Variants in ABI3BP observed in about 807,000 individuals in gnomAD.
The protein encoded by ABI3BP is ABI family member 3 binding protein.
In ABI3BP, 216 loss-of-function variants were observed where a neutral mutation model predicts 268.6. The ratio of observed to expected loss-of-function variants is 0.80; its 90% CI spans 0.72 to 0.90. The LOEUF (loss-of-function observed/expected upper bound fraction) is 0.90. ABI3BP is among the 40% of genes least tolerant of loss of function. The pLI is 0.00. For missense variants in ABI3BP, 2,090 were observed against 2,182.4 expected (o/e 0.96, Z 0.84); for synonymous variants, 730 against 730.0 (o/e 1.00, Z 0.00).
intron 36 of ABI3BP, 149 bp downstream of exon 36, chr3:100,824,709 G>C (rs977005933): frequency 7.4e-5 from 39 of 526,032 alleles, no homozygotes; most frequent in African/African-American, 6.8e-4. Flanking sequence ...CTCCTTGAAA[G>C]CTGAGCAGAG....
chr3:100,778,418 C>T (rs2096770975), intron 58 of ABI3BP, 42 bp from the exon 59 acceptor site: 3 of 1,511,136 alleles, frequency 2.0e-6, no homozygotes, highest in African/African-American at 2.8e-5. Context: ...ATAAAGCCAT[C>T]ATAAAGATTC....
At chr3:100,793,508 A>C (rs541933533) in intron 54 of ABI3BP, among the ~76,000 whole-genome samples, 30 of 152,178 alleles carry the variant, frequency 2.0e-4, no homozygotes, top group African/African-American at 6.7e-4. Context: ...ATAAACCAAG[A>C]CACATTAGAA....
chr3:100,988,435 C>T (rs2092354588), intron 1 of ABI3BP, among the ~76,000 whole-genome samples: 1 of 152,124 alleles, frequency 6.6e-6, no homozygotes, highest in African/African-American at 2.4e-5. Context: ...AGTACTTTAA[C>T]ACTCACTGAG....
intron 41 of ABI3BP, 67 bp from the exon 42 acceptor site, chr3:100,817,562 T>TA: frequency 3.2e-6 from 4 of 1,238,058 alleles, no homozygotes; most frequent in Non-Finnish European, 4.4e-6. Context: ...GTTCAATTTT[T>TA]AAGCTTCAGA....
At chr3:100,793,238 G>A (rs1484954440) in intron 54 of ABI3BP, among the ~76,000 whole-genome samples, 1 of 151,924 alleles carries the variant, frequency 6.6e-6, no homozygotes, top group African/African-American at 2.4e-5. Flanking sequence ...CAGAGCGTAT[G>A]TTTGACATAC....
rs557559517 is a variant in ABI3BP at position 100,762,674 on chromosome 3, A to G, written c.4850+3167T>C. Reference sequence around the variant, plus strand: ...ATTATTTTTTCTAATGGAGATTTCAATATATTTTAATATTTCAGCCCAAAC... The same window carrying G: ...ATTATTTTTTCTAATGGAGATTTCAGTATATTTTAATATTTCAGCCCAAAC... On this transcript the variant is annotated intron_variant, in intron 63 of 67. Coordinates refer to ENST00000471714, the MANE Select transcript of ABI3BP (RefSeq NM_001375547.2). Among the ~76,000 whole-genome samples the G allele has an allele frequency of 2.2e-4, 34 of 152,286 alleles. No homozygotes were observed. The South Asian group carries it at 7.1e-3, about 32-fold the overall frequency.
intron 1 of ABI3BP, among the ~76,000 whole-genome samples, chr3:100,988,063 A>C (rs935742593): frequency 6.6e-6 from 1 of 152,232 alleles, no homozygotes; most frequent in Non-Finnish European, 1.5e-5. Flanking sequence ...TGTTACTCAA[A>C]TAAAAGCAGA....
At chr3:100,922,597 C>T (rs957616448) in intron 2 of ABI3BP, among the ~76,000 whole-genome samples, 5 of 151,056 alleles carry the variant, frequency 3.3e-5, no homozygotes, top group South Asian at 2.1e-4. Flanking sequence ...GGTGATGTGA[C>T]GTGACGTGAT....
chr3:100,982,711 G>A (rs2090134547), intron 1 of ABI3BP, among the ~76,000 whole-genome samples: 1 of 152,010 alleles, frequency 6.6e-6, no homozygotes, highest in Non-Finnish European at 1.5e-5. Flanking sequence ...TTGTAAAAAG[G>A]AATAGTTAGG....
At chr3:100,968,456 G>A (rs2082194792) in intron 1 of ABI3BP, among the ~76,000 whole-genome samples, 1 of 152,088 alleles carries the variant, frequency 6.6e-6, no homozygotes, top group Non-Finnish European at 1.5e-5. Flanking sequence ...TATTTTAATT[G>A]TGATTTTGGT....
intron 1 of ABI3BP, among the ~76,000 whole-genome samples, chr3:100,941,185 T>C (rs2069037351): frequency 6.6e-6 from 1 of 151,850 alleles, no homozygotes; most frequent in Non-Finnish European, 1.5e-5. Context: ...AATGACAGCA[T>C]TTCATGATCT....
chr3:100,787,539 T>C (rs1213094633), intron 57 of ABI3BP, among the ~76,000 whole-genome samples, 189 bp downstream of exon 57: 1 of 152,126 alleles, frequency 6.6e-6, no homozygotes, highest in East Asian at 1.9e-4. Context: ...AGTGAAAAAG[T>C]CTTCACTATT....
chr3:100,971,183 A>G (rs2083421746), intron 1 of ABI3BP, among the ~76,000 whole-genome samples: 1 of 152,126 alleles, frequency 6.6e-6, no homozygotes, highest in South Asian at 2.1e-4. Context: ...TGCTTGGTAC[A>G]TTTTCCAGGA....
chr3:100,901,562 G>A (rs975122979), intron 3 of ABI3BP, among the ~76,000 whole-genome samples: 2 of 152,148 alleles, frequency 1.3e-5, no homozygotes, highest in African/African-American at 4.8e-5. Context: ...TCAGGAGGTC[G>A]AGACTGTCCT....
Position 100,985,048 on chromosome 3 carries a change from A to C in ABI3BP, c.79+8258T>G, listed in dbSNP as rs1189356041. On this transcript the variant is annotated intron_variant, in intron 1 of 67. Transcript: ENST00000471714. ...TGCTTCCATCACATCCACTGATAAA[A>C]GTATATTTTCTTTCTCTACACACAA... 3.3e-5 allele frequency among the ~76,000 whole-genome samples: 5 copies of C among 151,946 alleles called. No individual in the cohort carries two copies. In the East Asian group the frequency reaches 9.6e-4, roughly 29 times the overall value.
At chr3:100,927,375 T>C (rs1235181266) in intron 1 of ABI3BP, among the ~76,000 whole-genome samples, 1 of 152,220 alleles carries the variant, frequency 6.6e-6, no homozygotes, top group Admixed American at 6.5e-5. Context: ...ACTCGAGCCT[T>C]ATCTTCCTGG....
At chr3:100,927,435 GTTAGTGTA>G (rs2062128951) in intron 1 of ABI3BP, among the ~76,000 whole-genome samples, 2 of 152,104 alleles carry the variant, frequency 1.3e-5, no homozygotes. Context: ...ATTTACAAAG[GTTAGTGTA>G]TTAGTCTGTT....
intron 36 of ABI3BP, 106 bp downstream of exon 36, chr3:100,824,752 G>T: frequency 2.2e-6 from 2 of 919,040 alleles, no homozygotes; most frequent in Non-Finnish European, 3.2e-6. Context: ...ATGCCCTCGT[G>T]CTTAGGGAGA....
intron 50 of ABI3BP, 99 bp downstream of exon 50, chr3:100,808,062 A>C: frequency 9.5e-7 from 1 of 1,052,544 alleles, no homozygotes; most frequent in East Asian, 2.6e-5. Context: ...TACAAGTGTT[A>C]AAGACTCAAT....
Sources: gnomAD v4.1 joint callset for allele counts (sites outside exome capture counted in the v4.1 genomes callset) on GRCh38, gnomAD v4.1.1 for gene constraint, MANE v1.5 for transcripts, NCBI Gene and HGNC (gene_info 2026-07-23, HGNC 2026-07-21) for gene names.